The following ZMYND11 variants were observed in gnomAD, a reference collection of about 807,000 sequenced individuals.
ZMYND11 encodes the protein zinc finger MYND-type containing 11, also known as zinc finger MYND domain-containing protein 11.
Under a neutral mutation model 84.9 loss-of-function variants are expected in ZMYND11, and 9 were observed. The observed-to-expected ratio is 0.11, with a 90% CI of 0.06 to 0.18. ZMYND11 has a LOEUF of 0.18. Among genes scored for constraint, ZMYND11 ranks in the 10% least tolerant of loss-of-function variants. The pLI is 1.00. For missense variants in ZMYND11, 409 were observed against 761.0 expected (o/e 0.54, Z 5.44); for synonymous variants, 250 against 244.1 (o/e 1.02, Z -0.23).
At chr10:242,509 A>T (rs997225261) in intron 10 of ZMYND11, among the ~76,000 whole-genome samples, 1 of 152,212 alleles carries the variant, frequency 6.6e-6, no homozygotes, top group Non-Finnish European at 1.5e-5. Flanking sequence ...TCAGTTAAAG[A>T]CATATAGACT....
chr10:155,907 G>A (rs1841598385), intron 1 of ZMYND11, among the ~76,000 whole-genome samples: 1 of 152,148 alleles, frequency 6.6e-6, no homozygotes. Context: ...AAAGGACAAG[G>A]GAATCCTTTG....
At chr10:185,438 A>G (rs1411896715) in intron 2 of ZMYND11, among the ~76,000 whole-genome samples, 1 of 150,740 alleles carries the variant, frequency 6.6e-6, no homozygotes, top group Non-Finnish European at 1.5e-5. Context: ...GGAGATTTAA[A>G]AACTATGTTA....
Position 237,632 on chromosome 10 carries a change from C to T in ZMYND11, c.564C>T (p.Tyr188=), listed in dbSNP as rs1476177502. The T allele has an allele frequency of 6.2e-7, 1 of 1,613,632 alleles. No individual in the cohort carries two copies. Residue 188 remains tyrosine, a synonymous_variant, in exon 6 of 15, where the codon TAC becomes TAT. Transcript: ENST00000381604. The stretch of plus-strand genomic sequence containing the variant: ...GGAAGGACAATAAACACCCGATGTA[C>T]AGGAGGCTGGTGCACTCAGCTGTGG... The part of the protein sequence containing the change: ...KKGKDNKHPM[Y]RRLVHSAVDV...
intron 1 of ZMYND11, among the ~76,000 whole-genome samples, chr10:147,293 G>C (rs537885933): frequency 1.3e-5 from 2 of 152,252 alleles, no homozygotes; most frequent in South Asian, 4.1e-4. Flanking sequence ...GTGTTGAATA[G>C]AAGTGTTGAA....
intron 4 of ZMYND11, among the ~76,000 whole-genome samples, chr10:224,887 C>T (rs1440069062): frequency 6.6e-6 from 1 of 152,148 alleles, no homozygotes; most frequent in Admixed American, 6.5e-5. Flanking sequence ...AATCATGCCC[C>T]ATTTCCAACT....
intron 6 of ZMYND11, 141 bp from the exon 7 acceptor site, chr10:239,297 A>T: frequency 1.5e-6 from 1 of 651,646 alleles, no homozygotes; most frequent in Non-Finnish European, 2.6e-6. Flanking sequence ...CTTCTTTTAC[A>T]CACATTCTCT....
intron 2 of ZMYND11, among the ~76,000 whole-genome samples, chr10:203,882 G>A (rs1030664558): frequency 5.9e-5 from 9 of 151,960 alleles, no homozygotes; most frequent in African/African-American, 1.7e-4. Flanking sequence ...CTTATACCAC[G>A]ATTTTTTTAA....
intron 1 of ZMYND11, among the ~76,000 whole-genome samples, chr10:172,510 C>T (rs1845585981): frequency 1.3e-5 from 2 of 151,890 alleles, no homozygotes; most frequent in Non-Finnish European, 2.9e-5. Flanking sequence ...ACATTAGTAC[C>T]CCCGAAATGA....
At position 145,520 on chromosome 10, in the gene ZMYND11, G is replaced by A. The variant is rs548959381; in HGVS notation, c.-20+9961G>A. Among the ~76,000 whole-genome samples, 7 of 152,184 alleles carry A rather than the reference G, an allele frequency of 4.6e-5. No individual in the cohort carries two copies. In the East Asian group the frequency reaches 5.8e-4, roughly 13 times the overall value. On this transcript the variant is annotated intron_variant, in intron 1 of 14. Coordinates refer to ENST00000381604, the MANE Select transcript of ZMYND11 (RefSeq NM_001370100.5). ...CTAATTTACATTACTATACATTCTC[G>A]TAAGCATTCTCTTTTCTCCGCATCC...
intron 2 of ZMYND11, among the ~76,000 whole-genome samples, chr10:193,830 A>G (rs1941065525): frequency 6.6e-6 from 1 of 151,920 alleles, no homozygotes. Context: ...GAAACATATT[A>G]TTTTCCATGA....
At chr10:144,114 A>G (rs1564257702) in intron 1 of ZMYND11, among the ~76,000 whole-genome samples, 1 of 152,222 alleles carries the variant, frequency 6.6e-6, no homozygotes, top group Non-Finnish European at 1.5e-5. Context: ...CAAATGAATT[A>G]AAAGCTGAAC....
chr10:225,026 CTTTTGTGAAAATTGCTTTTAAGATT>C lies in ZMYND11; in HGVS notation c.438+3673_438+3697del, dbSNP rs369785650. 2.0e-3 allele frequency among the ~76,000 whole-genome samples: 308 copies of C among 152,242 alleles called. 2 individuals are homozygous for C. The highest frequency in any genetic ancestry group is 0.017 in the Middle Eastern group (5 of 294). On this transcript the variant is annotated intron_variant, in intron 4 of 14. Coordinates refer to ENST00000381604, the MANE Select transcript of ZMYND11 (RefSeq NM_001370100.5). ...AGGAAAAAAATAAGAAAATCATACTCTTTTGTGAAAATTGCTTTTAAGATTTTAAGATTTTGTTTACAAAAAAGAA... is the reference window on the plus strand; with the variant it reads ...AGGAAAAAAATAAGAAAATCATACTCTTAAGATTTTGTTTACAAAAAAGAA...
At chr10:166,116 C>T (rs1358674884) in intron 1 of ZMYND11, among the ~76,000 whole-genome samples, 1 of 152,088 alleles carries the variant, frequency 6.6e-6, no homozygotes, top group South Asian at 2.1e-4. Flanking sequence ...CCACATGTGT[C>T]AGTAACCTAA....
At chr10:221,128 A>G (rs893625453) in intron 3 of ZMYND11, 67 bp from the exon 4 acceptor site, 4 of 1,432,846 alleles carry the variant, frequency 2.8e-6, no homozygotes, top group African/African-American at 1.4e-5. Context: ...ATTAGTTTCA[A>G]TTTTGTTCTT....
chr10:153,840 C>T (rs1841004202), intron 1 of ZMYND11, among the ~76,000 whole-genome samples: 3 of 152,210 alleles, frequency 2.0e-5, no homozygotes, highest in Admixed American at 2.0e-4. Context: ...ATAACCCATT[C>T]CCTGTGTAAC....
At chr10:180,601 A>T (rs1042793618) in intron 2 of ZMYND11, among the ~76,000 whole-genome samples, 2 of 152,296 alleles carry the variant, frequency 1.3e-5, no homozygotes, top group Admixed American at 1.3e-4. Flanking sequence ...GGGTTTCACC[A>T]TGTTGGCCAG....
At chr10:209,076 G>C (rs931362017) in intron 2 of ZMYND11, among the ~76,000 whole-genome samples, 2 of 151,780 alleles carry the variant, frequency 1.3e-5, no homozygotes, top group African/African-American at 4.8e-5. Context: ...TCAGCGTTGA[G>C]GTTTGTTTGG....
In ZMYND11 at chr10:217,146, A is replaced by G. The variant is rs139629793; in HGVS notation, c.277-4049A>G. Among the ~76,000 whole-genome samples the G allele has an allele frequency of 9.6e-4, 146 of 152,342 alleles. 1 individual carries two copies. Among genetic ancestry groups the G allele is most frequent in the African/African-American group, 3.4e-3 (140 of 41,584 alleles). Reference sequence around the variant, plus strand: ...AACACTATTCAAACAGTTCTTCCACATATCTCCCTTTTGACTTGACTGAGC... The same window carrying G: ...AACACTATTCAAACAGTTCTTCCACGTATCTCCCTTTTGACTTGACTGAGC... On this transcript the variant is annotated intron_variant, in intron 3 of 14. Coordinates refer to ENST00000381604, the MANE Select transcript of ZMYND11 (RefSeq NM_001370100.5).
intron 1 of ZMYND11, among the ~76,000 whole-genome samples, chr10:150,317 A>G (rs1196983507): frequency 6.6e-6 from 1 of 152,180 alleles, no homozygotes; most frequent in Non-Finnish European, 1.5e-5. Flanking sequence ...TCAGGGATTC[A>G]GCTTCTTCCT....
Sources: gnomAD v4.1 joint callset for allele counts (sites outside exome capture counted in the v4.1 genomes callset) on GRCh38, gnomAD v4.1.1 for gene constraint, MANE v1.5 for transcripts, NCBI Gene and HGNC (gene_info 2026-07-23, HGNC 2026-07-21) for gene names.